The following PCGF3 variants were observed in gnomAD, a reference collection of about 807,000 sequenced individuals.
PCGF3 encodes polycomb group RING finger protein 3.
In PCGF3, 7 loss-of-function variants were observed where a neutral mutation model predicts 33.1. The ratio of observed to expected loss-of-function variants is 0.21; its 90% CI spans 0.12 to 0.40. The LOEUF (loss-of-function observed/expected upper bound fraction) is 0.40. Ranked by LOEUF, PCGF3 falls within the 10% of genes least tolerant of loss-of-function variation. PCGF3 has a pLI of 1.00. For missense variants in PCGF3, 211 were observed against 313.3 expected, an observed-to-expected ratio of 0.67 and a Z score of 2.46; for synonymous variants, 153 against 121.3, an observed-to-expected ratio of 1.26 and a Z score of -1.72.
chr4:711,452 TTC>T (rs1491404038), intron 1 of PCGF3, among the ~76,000 whole-genome samples: 18 of 89,726 alleles, frequency 2.0e-4, no homozygotes, highest in East Asian at 9.7e-4. Flanking sequence ...TCTTTTTTTT[TTC>T]TTTTTTTTTT....
At chr4:731,553 TCCCC>T (rs1474912707) in intron 3 of PCGF3, among the ~76,000 whole-genome samples, 7 of 118,186 alleles carry the variant, frequency 5.9e-5, no homozygotes, top group Non-Finnish European at 9.3e-5. Flanking sequence ...AGGGCGGGGC[TCCCC>T]CTCCCGTCGT....
chr4:706,205 A>T (rs939083337), intron 1 of PCGF3, among the ~76,000 whole-genome samples: 20 of 152,104 alleles, frequency 1.3e-4, no homozygotes, highest in Middle Eastern at 3.4e-3. Flanking sequence ...CCAAGAGCCC[A>T]GCCCAGGCAG....
intron 6 of PCGF3, among the ~76,000 whole-genome samples, chr4:741,157 A>G (rs1254267246): frequency 1.3e-5 from 2 of 152,240 alleles, no homozygotes; most frequent in Non-Finnish European, 1.5e-5. Context: ...ACAGGAAAGC[A>G]GTATTTAGAC....
intron 1 of PCGF3, among the ~76,000 whole-genome samples, chr4:716,255 TG>T (rs1187552351): frequency 7.0e-5 from 9 of 128,258 alleles, no homozygotes; most frequent in Admixed American, 3.9e-4. Context: ...GTGTGAGAAC[TG>T]GGCGTCGGTG....
chr4:752,991 A>T (rs1420773379), intron 8 of PCGF3, among the ~76,000 whole-genome samples: 1 of 152,108 alleles, frequency 6.6e-6, no homozygotes, highest in Non-Finnish European at 1.5e-5. Flanking sequence ...CGAACCACAA[A>T]GGTTTGTGTT....
At chr4:764,883 T>G in intron 9 of PCGF3, 101 bp from the exon 10 acceptor site, 2 of 754,442 alleles carry the variant, frequency 2.7e-6, no homozygotes, top group African/African-American at 1.7e-5. Flanking sequence ...CGTTCTTGCA[T>G]GATTGGGGAG....
At chr4:765,151 C>T (rs533489514) in intron 10 of PCGF3, 87 bp downstream of exon 10, 75 of 918,142 alleles carry the variant, frequency 8.2e-5, no homozygotes, top group Admixed American at 6.6e-4. Context: ...TAAATGACTC[C>T]AGCTGGGTGC....
chr4:742,804 C>T (rs1029990693), intron 6 of PCGF3, among the ~76,000 whole-genome samples: 3 of 152,168 alleles, frequency 2.0e-5, no homozygotes, highest in South Asian at 2.1e-4. Context: ...CCACAGACAC[C>T]AGGGGGCGCT....
At chr4:758,771 C>T (rs554514915) in intron 8 of PCGF3, among the ~76,000 whole-genome samples, 2 of 22,090 alleles carry the variant, frequency 9.1e-5, no homozygotes, top group African/African-American at 2.3e-4. Context: ...CTCCGGACTC[C>T]GGGTCTTTCT....
At chr4:732,808 G>T (rs1026372154) in intron 3 of PCGF3, among the ~76,000 whole-genome samples, 1 of 152,226 alleles carries the variant, frequency 6.6e-6, no homozygotes, top group African/African-American at 2.4e-5. Flanking sequence ...CCCAGTAGTG[G>T]GGTGCACCTG....
intron 8 of PCGF3, among the ~76,000 whole-genome samples, chr4:758,718 CG>C (rs1744907942): frequency 2.3e-5 from 1 of 43,132 alleles, no homozygotes; most frequent in African/African-American, 7.0e-5. Context: ...TTCCGGACTC[CG>C]GGTCTTTCTC....
chr4:728,727 C>T (rs979322720), intron 1 of PCGF3, among the ~76,000 whole-genome samples: 1 of 152,194 alleles, frequency 6.6e-6, no homozygotes, highest in Non-Finnish European at 1.5e-5. Flanking sequence ...TCTGAGAACT[C>T]CTGTCAGGAG....
intron 5 of PCGF3, among the ~76,000 whole-genome samples, chr4:735,784 G>A (rs1480534229): frequency 6.6e-6 from 1 of 152,194 alleles, no homozygotes; most frequent in Non-Finnish European, 1.5e-5. Flanking sequence ...GGGTCACAGC[G>A]AGCCTGGACT....
chr4:724,518 C>T (rs2109564603), intron 1 of PCGF3, among the ~76,000 whole-genome samples: 1 of 152,324 alleles, frequency 6.6e-6, no homozygotes, highest in Non-Finnish European at 1.5e-5. Context: ...ATAAAATACT[C>T]CAGGTGTTTT....
At chr4:719,163 C>T (rs1391687814) in intron 1 of PCGF3, among the ~76,000 whole-genome samples, 1 of 152,098 alleles carries the variant, frequency 6.6e-6, no homozygotes, top group African/African-American at 2.4e-5. Context: ...CCATGTTGGT[C>T]AGGCTGGTGT....
intron 1 of PCGF3, among the ~76,000 whole-genome samples, chr4:729,673 ACT>A (rs1466221595): frequency 6.6e-6 from 1 of 151,886 alleles, no homozygotes; most frequent in Non-Finnish European, 1.5e-5. Flanking sequence ...GGGAAGACTA[ACT>A]CTACTCTTTC....
At chr4:718,392 C>T (rs1742944932) in intron 1 of PCGF3, among the ~76,000 whole-genome samples, 1 of 152,170 alleles carries the variant, frequency 6.6e-6, no homozygotes, top group Admixed American at 6.5e-5. Flanking sequence ...CACTGAGCTA[C>T]ACTCTGAGGC....
chr4:761,906 C>T (rs1020065222), intron 9 of PCGF3: 5 of 985,412 alleles, frequency 5.1e-6, no homozygotes, highest in African/African-American at 3.5e-5. Flanking sequence ...CAGCAGGGTC[C>T]AGCTTTGCAT....
chr4:754,207 G>A (rs1435127557), intron 8 of PCGF3, among the ~76,000 whole-genome samples: 1 of 152,216 alleles, frequency 6.6e-6, no homozygotes, highest in Non-Finnish European at 1.5e-5. Flanking sequence ...GGGTTCTGGT[G>A]TGGGGTCCCT....
Sources: allele counts gnomAD v4.1 joint callset (sites outside exome capture counted in the v4.1 genomes callset), GRCh38; gene constraint gnomAD v4.1.1; transcripts MANE v1.5; gene names NCBI Gene and HGNC (gene_info 2026-07-23, HGNC 2026-07-21).